The following SLC25A42 variants were observed in gnomAD, a reference collection of about 807,000 sequenced individuals.
SLC25A42 encodes the protein solute carrier family 25 member 42.
A neutral mutation model predicts 34.7 loss-of-function variants in SLC25A42; 19 were observed. The ratio of observed to expected loss-of-function variants is 0.55; its 90% CI spans 0.38 to 0.80. The LOEUF (loss-of-function observed/expected upper bound fraction) is 0.80, where lower values mean the gene tolerates loss of function less well. Among genes scored for constraint, SLC25A42 ranks in the 30% least tolerant of loss-of-function variants. The pLI is 0.00. For synonymous variants in SLC25A42, 205 were observed against 191.2 expected, an observed-to-expected ratio of 1.07 and a Z score of -0.59; for missense variants, 364 against 441.3, an observed-to-expected ratio of 0.82 and a Z score of 1.57.
chr19:19,082,242 C>T (rs533679380), intron 1 of SLC25A42, among the ~76,000 whole-genome samples: 1 of 152,348 alleles, frequency 6.6e-6, no homozygotes, highest in South Asian at 2.1e-4. Flanking sequence ...CTTCTGGAGG[C>T]TCAGGAAGAG....
At chr19:19,069,635 T>C (rs1052177553) in intron 1 of SLC25A42, among the ~76,000 whole-genome samples, 1 of 152,160 alleles carries the variant, frequency 6.6e-6, no homozygotes, top group Non-Finnish European at 1.5e-5. Context: ...CTCCCTGTTG[T>C]GTGTGTCTTT....
At chr19:19,100,149 C>T (rs974033163) in intron 2 of SLC25A42, among the ~76,000 whole-genome samples, 1 of 151,834 alleles carries the variant, frequency 6.6e-6, no homozygotes, top group Non-Finnish European at 1.5e-5. Context: ...CGAGACCAGC[C>T]TGGCCAACAT....
At chr19:19,098,746 C>T (rs942034591) in intron 2 of SLC25A42, among the ~76,000 whole-genome samples, 11 of 152,176 alleles carry the variant, frequency 7.2e-5, no homozygotes, top group Non-Finnish European at 1.2e-4. Flanking sequence ...GTGGAGAAAC[C>T]CCATCTCTGC....
At chr19:19,064,409 T>G (rs1599658558) in intron 1 of SLC25A42, among the ~76,000 whole-genome samples, 3 of 115,832 alleles carry the variant, frequency 2.6e-5, no homozygotes, top group East Asian at 2.7e-4. Context: ...GGGTCTGACA[T>G]CCCCCTCACA....
At chr19:19,083,131 T>C (rs1010207424) in intron 1 of SLC25A42, among the ~76,000 whole-genome samples, 4 of 152,096 alleles carry the variant, frequency 2.6e-5, no homozygotes, top group Non-Finnish European at 5.9e-5. Flanking sequence ...TTTAAAATTT[T>C]TGTACAAAAT....
At chr19:19,097,266 C>T (rs1476763629) in intron 2 of SLC25A42, among the ~76,000 whole-genome samples, 6 of 152,212 alleles carry the variant, frequency 3.9e-5, no homozygotes, top group East Asian at 1.9e-4. Context: ...CCAGGCCTCC[C>T]GACCTTTCCC....
intron 6 of SLC25A42, among the ~76,000 whole-genome samples, chr19:19,107,515 C>T (rs2052810728): frequency 6.6e-6 from 1 of 152,006 alleles, no homozygotes; most frequent in African/African-American, 2.4e-5. Context: ...TCTGTAATCC[C>T]AGCTACTTGG....
intron 1 of SLC25A42, among the ~76,000 whole-genome samples, chr19:19,093,119 C>G (rs1174062813): frequency 6.6e-6 from 1 of 152,190 alleles, no homozygotes; most frequent in African/African-American, 2.4e-5. Context: ...CTCTTTGGCT[C>G]AGGTGACCTT....
At chr19:19,110,447 G>A (rs965794912) in intron 7 of SLC25A42, 122 bp from the exon 8 acceptor site, 2 of 697,662 alleles carry the variant, frequency 2.9e-6, no homozygotes, top group African/African-American at 1.9e-5. Flanking sequence ...ACACGTGGGG[G>A]TGCAAGTGCA....
chr19:19,069,469 G>A (rs1436682487), intron 1 of SLC25A42, among the ~76,000 whole-genome samples: 5 of 152,234 alleles, frequency 3.3e-5, no homozygotes, highest in South Asian at 4.1e-4. Context: ...TGTCGTAGTT[G>A]TGGAGGCCTA....
At chr19:19,098,024 C>G (rs2059774884) in intron 2 of SLC25A42, among the ~76,000 whole-genome samples, 2 of 152,082 alleles carry the variant, frequency 1.3e-5, no homozygotes, top group African/African-American at 4.8e-5. Context: ...TGCATCCCAT[C>G]TGGGATTGCC....
At chr19:19,074,478 TAAA>T (rs1339021389) in intron 1 of SLC25A42, among the ~76,000 whole-genome samples, 1 of 152,220 alleles carries the variant, frequency 6.6e-6, no homozygotes, top group African/African-American at 2.4e-5. Context: ...CTGCTTATAA[TAAA>T]CTCCATCCAC....
intron 3 of SLC25A42, among the ~76,000 whole-genome samples, chr19:19,102,994 T>C (rs1461979371): frequency 2.0e-5 from 3 of 152,154 alleles, no homozygotes; most frequent in Non-Finnish European, 4.4e-5. Flanking sequence ...TGGTTCTCCT[T>C]GGCTTGTGGC....
Position 19,096,192 on chromosome 19 carries a change from C to T in SLC25A42, c.68C>T (p.Ser23Phe). The T allele has an allele frequency of 6.2e-7, 1 of 1,612,044 alleles. No individual in the cohort carries two copies. Among genetic ancestry groups the T allele is most frequent in the Non-Finnish European group, 8.5e-7 (1 of 1,179,650 alleles). ...GATGCTGAGGCTGTCCTGTCCTCGT[C>T]CGTCTCATCAAAGGCAAGTACCCCG... Reference protein sequence around the residue: ...HEDAEAVLSSSVSSKRDHRQV... With the variant: ...HEDAEAVLSSFVSSKRDHRQV... Residue 23 changes from serine (S) to phenylalanine (F), a missense_variant, in exon 2 of 8, where the codon TCC becomes TTC. Ser to Phe is a radical substitution (Grantham distance 155). Transcript: ENST00000318596.
At chr19:19,087,696 G>A (rs756308241) in intron 1 of SLC25A42, among the ~76,000 whole-genome samples, 1 of 152,228 alleles carries the variant, frequency 6.6e-6, no homozygotes, top group Non-Finnish European at 1.5e-5. Context: ...CTGTAAGGAA[G>A]TGCTGTCTCT....
intron 1 of SLC25A42, among the ~76,000 whole-genome samples, chr19:19,088,680 A>G (rs1322542014): frequency 7.1e-6 from 1 of 140,186 alleles, no homozygotes; most frequent in Non-Finnish European, 1.5e-5. Flanking sequence ...TGTATTTTTT[A>G]GTAGAGACAG....
chr19:19,065,195 C>T (rs546018916), intron 1 of SLC25A42, among the ~76,000 whole-genome samples: 2 of 152,158 alleles, frequency 1.3e-5, no homozygotes, highest in East Asian at 1.9e-4. Flanking sequence ...GGCAGGCTGG[C>T]GGTGGAGACG....
chr19:19,070,812 A>C (rs1050679341), intron 1 of SLC25A42, among the ~76,000 whole-genome samples: 1 of 152,238 alleles, frequency 6.6e-6, no homozygotes, highest in African/African-American at 2.4e-5. Flanking sequence ...ATTAAGGGAA[A>C]TGCTTGTTCA....
intron 1 of SLC25A42, among the ~76,000 whole-genome samples, chr19:19,086,199 G>A (rs1482646674): frequency 6.6e-6 from 1 of 152,134 alleles, no homozygotes; most frequent in Non-Finnish European, 1.5e-5. Flanking sequence ...GGAGTGCAGT[G>A]GCATGATCAC....
Sources: allele counts gnomAD v4.1 joint callset (sites outside exome capture counted in the v4.1 genomes callset), GRCh38; gene constraint gnomAD v4.1.1; transcripts MANE v1.5; gene names NCBI Gene and HGNC (gene_info 2026-07-23, HGNC 2026-07-21).